The following RAD52 variants were observed in gnomAD, a reference collection of about 807,000 sequenced individuals.
The protein encoded by RAD52 is RAD52 DNA repair protein, also known as DNA repair protein RAD52 homolog.
A neutral mutation model predicts 55.5 loss-of-function variants in RAD52; 47 were observed. That is an observed-to-expected ratio of 0.85 (90% CI 0.67 to 1.08). RAD52 has a LOEUF of 1.08. Among genes scored for constraint, RAD52 ranks in the 50% least tolerant of loss-of-function variants. The pLI is 0.00. For synonymous variants in RAD52, 184 were observed against 198.9 expected, an observed-to-expected ratio of 0.92 and a Z score of 0.63; for missense variants, 468 against 522.8, an observed-to-expected ratio of 0.90 and a Z score of 1.02.
At chr12:947,196 C>T (rs1265561633) in intron 1 of RAD52, among the ~76,000 whole-genome samples, 1 of 151,846 alleles carries the variant, frequency 6.6e-6, no homozygotes, top group Non-Finnish European at 1.5e-5. Context: ...TGTGGTGGTG[C>T]ACACCTGTAA....
intron 1 of RAD52, among the ~76,000 whole-genome samples, chr12:937,401 G>A (rs537631178): frequency 6.4e-4 from 97 of 151,872 alleles, no homozygotes; most frequent in Non-Finnish European, 9.3e-4. Flanking sequence ...CAGACACTAC[G>A]GATGCTCTAC....
chr12:919,983 C>A (rs1383605196), intron 7 of RAD52, among the ~76,000 whole-genome samples: 2 of 111,244 alleles, frequency 1.8e-5, no homozygotes, highest in Admixed American at 1.7e-4. Flanking sequence ...ACCTGGGAGG[C>A]AGAGATGGCA....
intron 7 of RAD52, among the ~76,000 whole-genome samples, chr12:923,636 C>A (rs75280797): frequency 6.6e-6 from 1 of 150,946 alleles, no homozygotes; most frequent in African/African-American, 2.4e-5. Context: ...GGGGGAAATG[C>A]GGAGTTCTTG....
intron 1 of RAD52, among the ~76,000 whole-genome samples, chr12:941,677 G>A (rs1957929081): frequency 6.6e-6 from 1 of 151,670 alleles, no homozygotes; most frequent in Non-Finnish European, 1.5e-5. Flanking sequence ...TTGTTGCCCA[G>A]GCTGGAGTGC....
At chr12:990,258 G>A (rs931305543), upstream of RAD52, 3 of 151,934 alleles carry the variant, frequency 2.0e-5, no homozygotes. Context: ...TGGAAGGCTG[G>A]GAATAAATAT....
intron 1 of RAD52, among the ~76,000 whole-genome samples, chr12:988,016 A>C (rs1959108289): frequency 6.6e-6 from 1 of 152,130 alleles, no homozygotes; most frequent in Non-Finnish European, 1.5e-5. Flanking sequence ...TCTGTCACCC[A>C]GGCTGGGGTG....
At chr12:966,501 T>G (rs1958772016) in intron 1 of RAD52, among the ~76,000 whole-genome samples, 1 of 152,094 alleles carries the variant, frequency 6.6e-6, no homozygotes, top group Non-Finnish European at 1.5e-5. Flanking sequence ...TTTTTTTATA[T>G]GAGAAAAGAT....
At position 913,608 on chromosome 12, in the gene RAD52, T is replaced by C. The variant is rs947876313; in HGVS notation, c.1196-156A>G. On this transcript the variant is annotated intron_variant, in intron 11 of 11. Coordinates refer to ENST00000358495, the MANE Select transcript of RAD52 (RefSeq NM_134424.4). The stretch of plus-strand genomic sequence containing the variant: ...AGGCAGATGATTCTCCTAGACCAAG[T>C]GGCCTCGTGCTCATGACAGACCTGC... Among the ~76,000 whole-genome samples, 12 of 152,180 alleles carry C rather than the reference T, an allele frequency of 7.9e-5. No homozygotes were observed. The South Asian group carries it at 1.9e-3, about 24-fold the overall frequency.
rs11571487 is a variant in RAD52, at chr12:912,216, C to T, written c.*1175G>A. 8.9e-3 allele frequency: 1,738 copies of T among 195,234 alleles called. 12 individuals are homozygous for T. The highest frequency in any genetic ancestry group is 0.013 in the Non-Finnish European group (1,261 of 93,700). The allele number at this position is 195,234 out of a possible 1,614,324, so 12.1% of individuals were successfully genotyped here. The stretch of plus-strand genomic sequence containing the variant: ...AGATCAGAAAATTTCTGAGCACTGA[C>T]GTGATGCCAGAAGTGGAAAATTCCA... On this transcript the variant is annotated 3_prime_UTR_variant, in exon 12 of 12. Transcript: ENST00000358495.
At chr12:916,088 T>C (rs2154108377) in intron 9 of RAD52, 1 of 1,031,960 alleles carries the variant, frequency 9.7e-7, no homozygotes, top group African/African-American at 1.7e-5. Flanking sequence ...AATTTCTAAT[T>C]CTAGAAGATT....
chr12:977,529 T>C lies in RAD52; in HGVS notation c.-19+12280A>G, dbSNP rs528240194. Among the ~76,000 whole-genome samples the C allele has an allele frequency of 3.9e-5, 6 of 152,284 alleles. No individual in the cohort carries two copies. The South Asian group carries it at 1.2e-3, about 32-fold the overall frequency. On this transcript the variant is annotated intron_variant, in intron 1 of 11. Transcript: ENST00000430095. The stretch of plus-strand genomic sequence containing the variant: ...ATGTCTCCTGTTTATTAGGAAAATT[T>C]CCCCTCCCCTTTGACCAGCTGCCTG...
intron 1 of RAD52, among the ~76,000 whole-genome samples, chr12:939,049 TA>T (rs1957777826): frequency 1.9e-5 from 2 of 107,102 alleles, no homozygotes; most frequent in African/African-American, 7.7e-5. Context: ...TTCATTCAAC[TA>T]ATTGTGTGTG....
chr12:990,823 G>A (rs551430413), upstream of RAD52, among the ~76,000 whole-genome samples: 1 of 152,118 alleles, frequency 6.6e-6, no homozygotes, highest in African/African-American at 2.4e-5. Flanking sequence ...AAGACACGAA[G>A]CGGCTCCTCG....
intron 1 of RAD52, among the ~76,000 whole-genome samples, chr12:972,296 ATATAG>A (rs1958870383): frequency 6.6e-6 from 1 of 152,168 alleles, no homozygotes; most frequent in Non-Finnish European, 1.5e-5. Context: ...ATAAATACAC[ATATAG>A]TATATCAGGT....
chr12:918,396 G>GT (rs896464875), intron 7 of RAD52, among the ~76,000 whole-genome samples: 44 of 152,038 alleles, frequency 2.9e-4, no homozygotes, highest in Admixed American at 2.0e-3. Flanking sequence ...GGCTTTCTTT[G>GT]TTTTTTGTTT....
chr12:970,097 C>T (rs1435457842), intron 1 of RAD52, among the ~76,000 whole-genome samples: 1 of 151,648 alleles, frequency 6.6e-6, no homozygotes, highest in Non-Finnish European at 1.5e-5. Flanking sequence ...CACCTGAGGT[C>T]AGGAGTTCGA....
upstream of RAD52, among the ~76,000 whole-genome samples, chr12:950,168 G>A (rs971658714): frequency 1.3e-5 from 2 of 152,286 alleles, no homozygotes; most frequent in East Asian, 1.9e-4. Context: ...TGGTTCTCGC[G>A]GCCTCTCACC....
chr12:927,282 T>G lies in RAD52; in HGVS notation c.349-19A>C. On this transcript the variant is annotated intron_variant, in intron 5 of 11. Transcript: ENST00000358495. ...AACCATCCTGGGGGCAGAAAAGGAG[T>G]TTGAACTCAAACACGAGAGCGGCAG... 1 of 1,577,872 alleles carries G rather than the reference T, an allele frequency of 6.3e-7. No individual in the cohort carries two copies. Among genetic ancestry groups the G allele is most frequent in the Non-Finnish European group, 8.7e-7 (1 of 1,147,618 alleles).
At chr12:967,894 C>T (rs1001554632) in intron 1 of RAD52, among the ~76,000 whole-genome samples, 2 of 152,118 alleles carry the variant, frequency 1.3e-5, no homozygotes, top group Admixed American at 6.5e-5. Context: ...CGAGATCGCA[C>T]CTCTGCTCTC....
Sources: allele counts gnomAD v4.1 joint callset (sites outside exome capture counted in the v4.1 genomes callset), GRCh38; gene constraint gnomAD v4.1.1; transcripts MANE v1.5; gene names NCBI Gene and HGNC (gene_info 2026-07-23, HGNC 2026-07-21).